PELI2: variants seen among roughly 807,000 people sequenced by gnomAD.
PELI2 encodes pellino E3 ubiquitin protein ligase family member 2.
PELI2 carries 23 observed loss-of-function variants against 42.3 expected under a neutral mutation model. The observed-to-expected ratio is 0.54, with a 90% CI of 0.39 to 0.77. The LOEUF (loss-of-function observed/expected upper bound fraction) is 0.77. Among genes scored for constraint, PELI2 ranks in the 30% least tolerant of loss-of-function variants. The pLI is 0.00. For synonymous variants in PELI2, 245 were observed against 212.2 expected, an observed-to-expected ratio of 1.15 and a Z score of -1.34; for missense variants, 463 against 553.2, an observed-to-expected ratio of 0.84 and a Z score of 1.64.
In PELI2 at chr14:56,281,540, G is replaced by A. The variant is rs1264597810; in HGVS notation, c.309+1763G>A. Among the ~76,000 whole-genome samples, 5 of 152,078 alleles carry A rather than the reference G, an allele frequency of 3.3e-5. No homozygotes were observed. The East Asian group carries it at 7.7e-4, about 23-fold the overall frequency. ...ATCACCTAATTCAGTACTTTTGATT[G>A]AGAAAGAAAGAATATTTTATGTGGT... is the stretch of plus-strand genomic sequence containing the variant. On this transcript the variant is annotated intron_variant, in intron 3 of 5. Transcript: ENST00000267460.
At chr14:56,268,749 C>T (rs941531741) in intron 2 of PELI2, among the ~76,000 whole-genome samples, 54 of 152,302 alleles carry the variant, frequency 3.5e-4, no homozygotes, top group African/African-American at 1.3e-3. Context: ...ACTGCAGGAT[C>T]AGTCCCTGAA....
intron 2 of PELI2, among the ~76,000 whole-genome samples, chr14:56,207,042 G>C (rs1300867375): frequency 1.3e-5 from 2 of 152,166 alleles, no homozygotes; most frequent in East Asian, 3.9e-4. Flanking sequence ...AAATCCTGGA[G>C]AGGTGGTTTA....
chr14:56,296,739 C>T lies in PELI2; in HGVS notation c.836C>T (p.Ala279Val). Residue 279 changes from alanine to valine, a missense_variant, in exon 6 of 6, where the codon GCC becomes GTC. This residue lies in a region of PELI2 where 343 missense variants were observed against 378.4 expected (regional missense o/e 0.91). Coordinates refer to ENST00000267460, the MANE Select transcript of PELI2 (RefSeq NM_021255.3). ...HIEALRQEIN[A>V]ARPQCPVGLN... ...GAAGCCCTCCGGCAGGAGATTAACGCCGCCCGGCCTCAGTGTCCTGTGGGG... is the reference window on the plus strand; with the variant it reads ...GAAGCCCTCCGGCAGGAGATTAACGTCGCCCGGCCTCAGTGTCCTGTGGGG... 6.2e-7 allele frequency: 1 copy of T among 1,614,130 alleles called. No individual in the cohort carries two copies. Among genetic ancestry groups the T allele is most frequent in the South Asian group, 1.1e-5 (1 of 91,076 alleles).
intron 1 of PELI2, among the ~76,000 whole-genome samples, chr14:56,125,422 G>A (rs900091451): frequency 6.6e-6 from 1 of 151,642 alleles, no homozygotes; most frequent in Non-Finnish European, 1.5e-5. Context: ...GGGCAGGGGG[G>A]GGGTGAATTG....
chr14:56,181,419 G>A lies in PELI2; in HGVS notation c.207+2955G>A, dbSNP rs1885576178. ...AATGCCAGTAAATGTCATGGTACTT[G>A]GCAGACACTGGCCTGAAATGACAGT... On this transcript the variant is annotated intron_variant, in intron 2 of 5. Transcript: ENST00000267460. 2.8e-5 allele frequency among the ~76,000 whole-genome samples: 4 copies of A among 145,198 alleles called. No individual in the cohort carries two copies. The Admixed American group carries it at 2.8e-4, about 10-fold the overall frequency.
At chr14:56,293,341 C>T (rs1258442438) in intron 5 of PELI2, among the ~76,000 whole-genome samples, 1 of 152,188 alleles carries the variant, frequency 6.6e-6, no homozygotes, top group Non-Finnish European at 1.5e-5. Context: ...AAAATAAAAT[C>T]TGAATTCATG....
At chr14:56,223,058 G>A (rs1213016369) in intron 2 of PELI2, among the ~76,000 whole-genome samples, 1 of 152,144 alleles carries the variant, frequency 6.6e-6, no homozygotes, top group African/African-American at 2.4e-5. Context: ...CCTGTTCAAG[G>A]CCTGTAAGGC....
chr14:56,276,890 C>T (rs1156367227), intron 2 of PELI2, among the ~76,000 whole-genome samples: 1 of 152,202 alleles, frequency 6.6e-6, no homozygotes, highest in Non-Finnish European at 1.5e-5. Context: ...TTCAAAGCAT[C>T]CTACATCAGT....
intron 1 of PELI2, among the ~76,000 whole-genome samples, chr14:56,145,987 C>T (rs1360972743): frequency 2.0e-5 from 3 of 152,128 alleles, no homozygotes; most frequent in Admixed American, 1.3e-4. Context: ...AAATATAAAA[C>T]TATAAAGTCA....
chr14:56,118,902 G>C (rs117600378), intron 1 of PELI2, among the ~76,000 whole-genome samples, 165 bp downstream of exon 1: 106,304 of 150,444 alleles, frequency 0.71, 38,055 homozygotes, highest in East Asian at 0.86. Context: ...GGCGGGATGC[G>C]CCCCATCGGC....
At chr14:56,218,083 G>C (rs1886977367) in intron 2 of PELI2, among the ~76,000 whole-genome samples, 1 of 152,198 alleles carries the variant, frequency 6.6e-6, no homozygotes, top group Non-Finnish European at 1.5e-5. Flanking sequence ...ACATCATGTA[G>C]CTAATACGTG....
intron 2 of PELI2, among the ~76,000 whole-genome samples, chr14:56,272,904 C>T (rs773832036): frequency 6.6e-6 from 1 of 152,080 alleles, no homozygotes; most frequent in African/African-American, 2.4e-5. Context: ...CACAGATAAC[C>T]GTAGTGTCTT....
intron 1 of PELI2, among the ~76,000 whole-genome samples, chr14:56,145,708 G>T (rs1884089990): frequency 6.6e-6 from 1 of 152,174 alleles, no homozygotes; most frequent in Admixed American, 6.5e-5. Flanking sequence ...CATATTTTAT[G>T]AGAGTTTTTC....
intron 2 of PELI2, among the ~76,000 whole-genome samples, chr14:56,277,559 G>A (rs1336717696): frequency 1.3e-5 from 2 of 151,982 alleles, no homozygotes; most frequent in Non-Finnish European, 2.9e-5. Context: ...AATGTAATGT[G>A]CCTGAATCAT....
intron 1 of PELI2, among the ~76,000 whole-genome samples, chr14:56,172,797 A>G (rs1000026695): frequency 6.6e-6 from 1 of 152,028 alleles, no homozygotes; most frequent in Non-Finnish European, 1.5e-5. Flanking sequence ...GATGGGTGAG[A>G]TCACCAATGA....
At chr14:56,156,087 T>C (rs540617999) in intron 1 of PELI2, among the ~76,000 whole-genome samples, 2 of 152,356 alleles carry the variant, frequency 1.3e-5, no homozygotes, top group African/African-American at 4.8e-5. Flanking sequence ...TTATCTTTAA[T>C]TACGTGAAAT....
intron 2 of PELI2, among the ~76,000 whole-genome samples, chr14:56,254,768 C>T (rs1888465297): frequency 6.6e-6 from 1 of 152,132 alleles, no homozygotes; most frequent in Admixed American, 6.5e-5. Context: ...TATCCAGAAT[C>T]TACAAGGAAC....
chr14:56,159,075 CT>C (rs1293075404), intron 1 of PELI2, among the ~76,000 whole-genome samples: 1 of 152,180 alleles, frequency 6.6e-6, no homozygotes, highest in Non-Finnish European at 1.5e-5. Context: ...AGCTCACAGT[CT>C]TTAGATACAG....
intron 1 of PELI2, among the ~76,000 whole-genome samples, chr14:56,162,633 T>C (rs1182416227): frequency 6.6e-6 from 1 of 152,112 alleles, no homozygotes; most frequent in Non-Finnish European, 1.5e-5. Flanking sequence ...TACCCAGTAG[T>C]GAGATTGCTG....
Sources: gnomAD v4.1 joint callset for allele counts (sites outside exome capture counted in the v4.1 genomes callset) on GRCh38, gnomAD v4.1.1 for gene constraint, gnomAD v4.1.1 regional missense constraint, MANE v1.5 for transcripts, NCBI Gene and HGNC (gene_info 2026-07-23, HGNC 2026-07-21) for gene names.